Variants in WTAP observed in about 807,000 individuals in gnomAD.
WTAP encodes pre-mRNA-splicing regulator WTAP.
WTAP carries 8 observed loss-of-function variants against 50.0 expected under a neutral mutation model. The observed-to-expected ratio is 0.16, with a 90% confidence interval of 0.09 to 0.29. The LOEUF (loss-of-function observed/expected upper bound fraction) is 0.29, where lower values mean the gene tolerates loss of function less well. WTAP is among the 10% of genes least tolerant of loss of function. The probability of loss-of-function intolerance (pLI) is 1.00; values close to 1 mark genes in which losing one functional copy is unlikely to be tolerated. For missense variants in WTAP, 295 were observed against 470.7 expected (o/e 0.63, Z 3.45); for synonymous variants, 194 against 169.0 (o/e 1.15, Z -1.15).
intron 1 of WTAP, among the ~76,000 whole-genome samples, chr6:159,735,720 T>G (rs1332307191): frequency 6.6e-6 from 1 of 151,862 alleles, no homozygotes; most frequent in African/African-American, 2.4e-5. Flanking sequence ...CTGCACTCCA[T>G]CCTGGGCGAC....
At chr6:159,747,603 A>T (rs192205853) in intron 5 of WTAP, among the ~76,000 whole-genome samples, 2 of 152,336 alleles carry the variant, frequency 1.3e-5, no homozygotes, top group East Asian at 3.9e-4. Flanking sequence ...TCAAATGTGT[A>T]TTTTAAGTTA....
At chr6:159,744,249 G>A (rs1410949681) in intron 5 of WTAP, among the ~76,000 whole-genome samples, 1 of 152,124 alleles carries the variant, frequency 6.6e-6, no homozygotes, top group African/African-American at 2.4e-5. Context: ...ACTTTGATGT[G>A]TACTGTGTAG....
chr6:159,729,248 G>A (rs1778416815), intron 1 of WTAP, among the ~76,000 whole-genome samples: 1 of 150,624 alleles, frequency 6.6e-6, no homozygotes, highest in South Asian at 2.1e-4. Flanking sequence ...AAAATTGTAC[G>A]TTAGTTAGTA....
upstream of WTAP, chr6:159,726,918 C>G (rs1778198133): frequency 7.8e-7 from 1 of 1,288,768 alleles, no homozygotes; most frequent in Non-Finnish European, 1.0e-6. Context: ...TGAGGTGGCA[C>G]CTGGTCCTCC....
intron 5 of WTAP, among the ~76,000 whole-genome samples, chr6:159,744,274 A>G (rs1779431757): frequency 6.6e-6 from 1 of 152,164 alleles, no homozygotes; most frequent in Non-Finnish European, 1.5e-5. Flanking sequence ...TACTATGTCT[A>G]CGTAGATCTG....
At chr6:159,751,342 C>G (rs1361379658) in intron 6 of WTAP, among the ~76,000 whole-genome samples, 4 of 152,138 alleles carry the variant, frequency 2.6e-5, no homozygotes, top group East Asian at 1.9e-4. Context: ...ATGTATCTTA[C>G]AGTTGTCTTT....
At chr6:159,742,227 A>C in intron 4 of WTAP, 81 bp downstream of exon 4, 1 of 1,224,292 alleles carries the variant, frequency 8.2e-7, no homozygotes, top group Non-Finnish European at 1.2e-6. Context: ...GTTTTTATTA[A>C]AGCAAATGTA....
At chr6:159,738,903 A>C in intron 2 of WTAP, 87 bp from the exon 3 acceptor site, 1 of 971,530 alleles carries the variant, frequency 1.0e-6, no homozygotes, top group South Asian at 1.6e-5. Flanking sequence ...TTTAAATCTC[A>C]CACTTGGGAG....
chr6:159,750,597 C>A (rs1460681808), intron 6 of WTAP, among the ~76,000 whole-genome samples: 1 of 152,160 alleles, frequency 6.6e-6, no homozygotes, highest in African/African-American at 2.4e-5. Context: ...TGTGATCATA[C>A]CATAAACACA....
At chr6:159,726,807 A>G, upstream of WTAP, 1 of 1,289,202 alleles carries the variant, frequency 7.8e-7, no homozygotes, top group Non-Finnish European at 1.0e-6. Flanking sequence ...GCGCCTCACG[A>G]CTGATGAGAG....
At chr6:159,746,398 C>T (rs1455733314) in intron 5 of WTAP, among the ~76,000 whole-genome samples, 4 of 152,180 alleles carry the variant, frequency 2.6e-5, no homozygotes, top group Non-Finnish European at 4.4e-5. Flanking sequence ...TCCTTTAAAA[C>T]AGAGCTGCTG....
At chr6:159,753,390 CTG>C in intron 6 of WTAP, 68 bp from the exon 7 acceptor site, 1 of 1,598,598 alleles carries the variant, frequency 6.3e-7, no homozygotes, top group Non-Finnish European at 8.6e-7. Flanking sequence ...ACATCTATCA[CTG>C]TAATAATTGT....
chr6:159,726,861 T>G (rs1388091233), upstream of WTAP: 2 of 1,289,092 alleles, frequency 1.6e-6, no homozygotes, highest in African/African-American at 1.5e-5. Flanking sequence ...CAGGTGAGCT[T>G]CTGCTAAGAG....
chr6:159,754,459 T>C (rs1331701253), intron 7 of WTAP, among the ~76,000 whole-genome samples: 2 of 152,314 alleles, frequency 1.3e-5, no homozygotes, highest in African/African-American at 2.4e-5. Flanking sequence ...AGTCAAACTT[T>C]GGGGCTGTAA....
intron 1 of WTAP, among the ~76,000 whole-genome samples, chr6:159,728,126 T>C (rs944917992): frequency 6.6e-6 from 1 of 152,256 alleles, no homozygotes; most frequent in Non-Finnish European, 1.5e-5. Context: ...CTACATTTCA[T>C]GTCACGCAGT....
Position 159,743,702 on chromosome 6 carries a change from A to G in WTAP, c.183A>G (p.Lys61=), listed in dbSNP as rs746665780. The change falls in exon 5 of 8, where the codon AAA becomes AAG. Residue 61 remains lysine (K), a synonymous_variant. Transcript: ENST00000621533. ...CTGGCCTAAGAGAGTCTGAAGAAAAACTAAAGCAACAACAGCAGGAGTCTG... is the reference window on the plus strand; with the variant it reads ...CTGGCCTAAGAGAGTCTGAAGAAAAGCTAAAGCAACAACAGCAGGAGTCTG... ...DVTGLRESEE[K]LKQQQQESAR... is the part of the protein sequence containing the mutation. 6.2e-7 allele frequency: 1 copy of G among 1,613,384 alleles called. No homozygotes were observed. Among genetic ancestry groups the G allele is most frequent in the African/African-American group, 1.3e-5 (1 of 75,030 alleles).
intron 4 of WTAP, among the ~76,000 whole-genome samples, chr6:159,742,900 AAAAG>A (rs1358489708): frequency 1.3e-5 from 2 of 152,254 alleles, no homozygotes; most frequent in Admixed American, 6.5e-5. Flanking sequence ...TACAAAAAAA[AAAAG>A]AGTCAGGAGG....
intron 1 of WTAP, among the ~76,000 whole-genome samples, chr6:159,733,844 A>C (rs1461103645): frequency 1.3e-5 from 2 of 152,142 alleles, no homozygotes; most frequent in Non-Finnish European, 2.9e-5. Context: ...TGAACCCAGG[A>C]GGCGGAGGTT....
At chr6:159,732,764 C>T (rs1292632602) in intron 1 of WTAP, among the ~76,000 whole-genome samples, 1 of 151,988 alleles carries the variant, frequency 6.6e-6, no homozygotes, top group East Asian at 1.9e-4. Flanking sequence ...GTGGAGGTTG[C>T]AGTGAGCCGA....
Sources: allele counts gnomAD v4.1 joint callset (sites outside exome capture counted in the v4.1 genomes callset), GRCh38; gene constraint gnomAD v4.1.1; transcripts MANE v1.5; gene names NCBI Gene and HGNC (gene_info 2026-07-23, HGNC 2026-07-21).